SRCAP: variants seen among roughly 807,000 people sequenced by gnomAD.
SRCAP encodes chromatin remodeling protein SRCAP.
In SRCAP, 46 loss-of-function variants were observed where a neutral mutation model predicts 263.1. The observed-to-expected ratio is 0.17, with a 90% CI of 0.14 to 0.22. The LOEUF is 0.22. Among genes scored for constraint, SRCAP ranks in the 10% least tolerant of loss-of-function variants. The pLI, the probability that SRCAP is intolerant of heterozygous loss-of-function variation, is 1.00. For missense variants in SRCAP, 3,695 were observed against 4,181.9 expected (o/e 0.88, Z 3.21); for synonymous variants, 1,813 against 1,662.1 (o/e 1.09, Z -2.21).
rs1160999918 is a variant in SRCAP at position 30,702,579 on chromosome 16, CTCCCTCCCTTCCCTGCCT to C, written c.55-1475_55-1458del. ...CTCCCTCCCTCCCTTCCCTCCCTCC[CTCCCTCCCTTCCCTGCCT>C]TCCCTCCCTCCCTCCCTCCCTCCTT... On this transcript the variant is annotated intron_variant, in intron 3 of 33. Transcript: ENST00000262518. Among the ~76,000 whole-genome samples the C allele has an allele frequency of 2.4e-5, 3 of 125,534 alleles. No individual in the cohort carries two copies. The East Asian group carries it at 8.3e-4, about 35-fold the overall frequency. 82.4% of individuals were successfully genotyped at this position (125,534 alleles called of 152,430 possible). A position where few individuals can be genotyped will look rare whatever the true frequency, so the allele number is the denominator to read the frequency against.
chr16:30,729,682 C>G (rs2053095233), intron 27 of SRCAP, 110 bp downstream of exon 27: 1 of 1,331,240 alleles, frequency 7.5e-7, no homozygotes, highest in Admixed American at 2.1e-5. Flanking sequence ...TTCTGTAAAG[C>G]TTTAGATGGT....
Position 30,723,010 on chromosome 16 carries a change from A to C in SRCAP, c.3940A>C (p.Arg1314=). The C allele has an allele frequency of 6.2e-7, 1 of 1,613,916 alleles. No homozygotes were observed. Among genetic ancestry groups the C allele is most frequent in the Non-Finnish European group, 8.5e-7 (1 of 1,179,978 alleles). ...NNTGVVKIVV[R]QAPRDGLTPV... Reference sequence around the variant, plus strand: ...TACAGGCGTGGTGAAGATTGTAGTGAGACAAGCCCCTCGGGATGGACTGAC... The same window carrying C: ...TACAGGCGTGGTGAAGATTGTAGTGCGACAAGCCCCTCGGGATGGACTGAC... Residue 1314 remains arginine, a synonymous_variant, in exon 24 of 34, where the codon AGA becomes CGA. Transcript: ENST00000262518.
Position 30,699,244 on chromosome 16 carries a change from T to C in SRCAP, c.-284+2T>C. 1 of 398,646 alleles carries C rather than the reference T, an allele frequency of 2.5e-6. No individual in the cohort carries two copies. Among genetic ancestry groups the C allele is most frequent in the East Asian group, 3.6e-5 (1 of 28,078 alleles). 24.7% of individuals were successfully genotyped at this position (398,646 alleles called of 1,614,324 possible). Reference sequence around the variant, plus strand: ...AGAGTTAAGGCTTGTTGGCTTCTGGTGAGCTCGGGTCTTGGGAACGTGTGG... The same window carrying C: ...AGAGTTAAGGCTTGTTGGCTTCTGGCGAGCTCGGGTCTTGGGAACGTGTGG... On this transcript the variant is annotated splice_donor_variant, in intron 1 of 33. Transcript: ENST00000262518. LOFTEE classifies it low-confidence loss of function (5UTR_SPLICE).
At chr16:30,726,700 ATTATT>A (rs1258484394) in intron 25 of SRCAP, among the ~76,000 whole-genome samples, 1 of 150,088 alleles carries the variant, frequency 6.7e-6, no homozygotes, top group South Asian at 2.1e-4. Flanking sequence ...TTGTATTCTT[ATTATT>A]TTATTTTATT....
At chr16:30,704,403 T>G (rs1197736481) in intron 4 of SRCAP, 88 bp downstream of exon 4, 3 of 1,483,716 alleles carry the variant, frequency 2.0e-6, no homozygotes, top group Non-Finnish European at 2.7e-6. Flanking sequence ...TTTCTTTTCT[T>G]TTTTGTCATG....
Position 30,700,815 on chromosome 16 carries a change from G to A in SRCAP, c.-10G>A. ...TTCAGGCATCCAAGGGGGAGCCTGG[G>A]AGTGGGACCATGCAGAGCAGCCCCT... is the stretch of plus-strand genomic sequence containing the variant. On this transcript the variant is annotated 5_prime_UTR_variant, in exon 3 of 34. Coordinates refer to ENST00000262518, the MANE Select transcript of SRCAP (RefSeq NM_006662.3). 1 of 1,613,936 alleles carries A rather than the reference G, an allele frequency of 6.2e-7. No homozygotes were observed. The highest frequency in any genetic ancestry group is 1.7e-5 in the Admixed American group (1 of 60,006).
chr16:30,729,772 C>T lies in SRCAP; in HGVS notation c.6127+200C>T, dbSNP rs994905979. Among the ~76,000 whole-genome samples the T allele has an allele frequency of 1.1e-3, 169 of 151,606 alleles. 1 individual carries two copies. Among genetic ancestry groups the T allele is most frequent in the Admixed American group, 0.011 (165 of 15,204 alleles). On this transcript the variant is annotated intron_variant, in intron 27 of 33. Coordinates refer to ENST00000262518, the MANE Select transcript of SRCAP (RefSeq NM_006662.3). ...TGACATTCATAAATATGACTTTCTT[C>T]TTTTTTTTTATTTTGAGACAAAGTC...
Position 30,733,812 on chromosome 16 carries a change from T to G in SRCAP, c.6494+14T>G. On this transcript the variant is annotated intron_variant, in intron 29 of 33. Coordinates refer to ENST00000262518, the MANE Select transcript of SRCAP (RefSeq NM_006662.3). This position sits in a 1 kb window ranked among gnomAD's most constrained non-coding sequence, Gnocchi z 5.3. Reference sequence around the variant, plus strand: ...CCACATATATAGGTATTGCCTAGTCTTCCCTCACCTTACTTTCCGTTTACT... The same window carrying G: ...CCACATATATAGGTATTGCCTAGTCGTCCCTCACCTTACTTTCCGTTTACT... The G allele has an allele frequency of 2.5e-6, 4 of 1,611,746 alleles. No individual in the cohort carries two copies. Among genetic ancestry groups the G allele is most frequent in the Non-Finnish European group, 3.4e-6 (4 of 1,178,338 alleles).
At chr16:30,715,212 A>T (rs1161751615) in intron 16 of SRCAP, among the ~76,000 whole-genome samples, 6 of 152,252 alleles carry the variant, frequency 3.9e-5, no homozygotes, top group Non-Finnish European at 8.8e-5. Flanking sequence ...CTCTGGCCTT[A>T]TAGCCTGTTA....
At chr16:30,732,157 A>G (rs2053120036) in intron 27 of SRCAP, among the ~76,000 whole-genome samples, 1 of 151,556 alleles carries the variant, frequency 6.6e-6, no homozygotes, top group South Asian at 2.1e-4. Flanking sequence ...AAAATGAAAT[A>G]ATAAAGTGTT....
intron 27 of SRCAP, among the ~76,000 whole-genome samples, chr16:30,731,092 A>G (rs961027914): frequency 3.3e-5 from 5 of 152,300 alleles, no homozygotes; most frequent in South Asian, 4.1e-4. Flanking sequence ...GTATACACCA[A>G]TCCTCTAAAC....
chr16:30,733,649 C>G lies in SRCAP; in HGVS notation c.6345C>G (p.Ile2115Met). The change falls in exon 29 of 34, where the codon ATC becomes ATG. Residue 2115 changes from isoleucine to methionine, a missense_variant. Physicochemically the swap from Ile to Met is conservative, Grantham distance 10. This residue lies in a region of SRCAP where 138 missense variants were observed against 254.9 expected (regional missense o/e 0.54). Transcript: ENST00000262518. The surrounding 1 kb of genome is among the most constrained non-coding windows in gnomAD (Gnocchi z 5.3). ...FNADKRIFCF[I>M]LSTRSGGVGV... ...CAGACAAACGCATATTCTGCTTCAT[C>G]CTTTCAACTCGGAGTGGGGGTGTGG... The G allele has an allele frequency of 6.2e-7, 1 of 1,614,130 alleles. No individual in the cohort carries two copies. Among genetic ancestry groups the G allele is most frequent in the South Asian group, 1.1e-5 (1 of 91,080 alleles).
chr16:30,720,072 C>A, intron 18 of SRCAP, 90 bp from the exon 19 acceptor site: 1 of 1,414,524 alleles, frequency 7.1e-7, no homozygotes, highest in Non-Finnish European at 9.7e-7. Context: ...TGTGTTAATT[C>A]ACTTAAGGAT....
rs1207095172 is a variant in SRCAP at position 30,712,385 on chromosome 16, C to G, written c.1939C>G (p.Leu647Val). 3.1e-6 allele frequency: 5 copies of G among 1,609,870 alleles called. No individual in the cohort carries two copies. Among genetic ancestry groups the G allele is most frequent in the Non-Finnish European group, 4.2e-6 (5 of 1,178,508 alleles). Reference protein sequence around the residue: ...LNGILADEMGLGKTIQTISLL... With the variant: ...LNGILADEMGVGKTIQTISLL... ...TGGCATTCTTGCTGATGAGATGGGG[C>G]TTGGGAAGACCATCCAGACCATCTC... The change falls in exon 13 of 34, where the codon CTT (leucine) becomes GTT (valine). Residue 647 changes from leucine (L) to valine (V), a missense_variant. By Grantham distance (32) the Leu-to-Val change is conservative. This residue lies in a region of SRCAP where 121 missense variants were observed against 330.7 expected (regional missense o/e 0.37). Transcript: ENST00000262518.
rs1400230239 is a variant in SRCAP at position 30,738,325 on chromosome 16, A to C, written c.8285A>C (p.Glu2762Ala). ...GRLVTVVEEK[E>A]LVRRRRQQRG... ...CTGGTAACTGTGGTAGAGGAAAAGG[A>C]ACTGGTGCGGCGGCGGCGGCAGCAG... The change falls in exon 34 of 34, where the codon GAA becomes GCA. Residue 2762 changes from glutamate (E) to alanine (A), a missense_variant. Glu to Ala is a moderately radical substitution (Grantham distance 107). This residue lies in a region of SRCAP where 1,207 missense variants were observed against 1,142.9 expected (regional missense o/e 1.06). Coordinates refer to ENST00000262518, the MANE Select transcript of SRCAP (RefSeq NM_006662.3). 1 of 1,586,710 alleles carries C rather than the reference A, an allele frequency of 6.3e-7. No individual in the cohort carries two copies. The highest frequency in any genetic ancestry group is 1.4e-5 in the African/African-American group (1 of 74,048).
rs75125670 is a variant in SRCAP at position 30,737,611 on chromosome 16, C to G, written c.7571C>G (p.Ser2524Cys). 1.2e-3 allele frequency: 1,988 copies of G among 1,614,040 alleles called. 26 individuals are homozygous for G. In the African/African-American group the frequency reaches 0.023, roughly 19 times the overall value. Residue 2524 changes from serine to cysteine, a missense_variant, in exon 34 of 34, where the codon TCC becomes TGC. Around this residue, in one of 12 missense-constraint regions of SRCAP, gnomAD observed 1,207 missense variants for 1,142.9 expected, o/e 1.06. Coordinates refer to ENST00000262518, the MANE Select transcript of SRCAP (RefSeq NM_006662.3). ...GCCCAAACCTGTCTTGTAACTCCTTCCTCTCCTCTCTTGCTTGGTCCACCT... is the reference window on the plus strand; with the variant it reads ...GCCCAAACCTGTCTTGTAACTCCTTGCTCTCCTCTCTTGCTTGGTCCACCT... ...PPAQTCLVTPSSPLLLGPPSV... is the reference protein window; with the variant it reads ...PPAQTCLVTPCSPLLLGPPSV...
intron 4 of SRCAP, among the ~76,000 whole-genome samples, chr16:30,706,632 CAT>C (rs1346590420): frequency 2.7e-4 from 41 of 152,176 alleles, no homozygotes; most frequent in Admixed American, 1.1e-3. Flanking sequence ...TTTACATAAA[CAT>C]ATGCATTTTT....
At chr16:30,711,419 G>A (rs755046199) in intron 10 of SRCAP, 152 bp from the exon 11 acceptor site, 2 of 761,220 alleles carry the variant, frequency 2.6e-6, no homozygotes, top group Non-Finnish European at 4.1e-6. Flanking sequence ...GCTTGGCTTT[G>A]CTAGCTGATG....
At chr16:30,723,315 G>A in intron 24 of SRCAP, 86 bp downstream of exon 24, 1 of 1,507,312 alleles carries the variant, frequency 6.6e-7, no homozygotes, top group Admixed American at 2.3e-5. Context: ...TTTTAGTACA[G>A]GTTTTTTCAT....
Sources: allele counts gnomAD v4.1 joint callset (sites outside exome capture counted in the v4.1 genomes callset), GRCh38; gene constraint gnomAD v4.1.1; regional missense constraint gnomAD v4.1.1; non-coding constraint Gnocchi (gnomAD v3.1); transcripts MANE v1.5; gene names NCBI Gene and HGNC (gene_info 2026-07-23, HGNC 2026-07-21).